COMMD1: variants seen among roughly 807,000 people sequenced by gnomAD.
COMMD1 encodes COMM domain-containing protein 1.
COMMD1 carries 10 observed loss-of-function variants against 17.2 expected under a neutral mutation model. The observed-to-expected ratio is 0.58, with a 90% confidence interval of 0.36 to 0.99. COMMD1 has a LOEUF of 0.99. COMMD1 is among the 50% of genes least tolerant of loss of function. The pLI is 0.01. For synonymous variants in COMMD1, 97 were observed against 91.6 expected (o/e 1.06, Z -0.34); for missense variants, 270 against 231.8 (o/e 1.17, Z -1.07).
chr2:62,035,846 G>T (rs1380932887), intron 2 of COMMD1, among the ~76,000 whole-genome samples: 1 of 151,802 alleles, frequency 6.6e-6, no homozygotes, highest in Non-Finnish European at 1.5e-5. Context: ...AGCCTCAGGG[G>T]TTCAAGACCA....
At chr2:61,927,767 G>T (rs532915850) in intron 1 of COMMD1, among the ~76,000 whole-genome samples, 20 of 151,022 alleles carry the variant, frequency 1.3e-4, no homozygotes, top group Middle Eastern at 7.0e-3. Context: ...CAAAACAGTG[G>T]CCTTCTGAAG....
At chr2:62,021,566 T>A (rs1669615426) in intron 2 of COMMD1, among the ~76,000 whole-genome samples, 1 of 152,238 alleles carries the variant, frequency 6.6e-6, no homozygotes, top group African/African-American at 2.4e-5. Flanking sequence ...TGGCCTGGCC[T>A]CCTCACTTTC....
At chr2:61,952,645 A>G (rs910461588) in intron 1 of COMMD1, among the ~76,000 whole-genome samples, 1 of 152,150 alleles carries the variant, frequency 6.6e-6, no homozygotes, top group South Asian at 2.1e-4. Context: ...AACTCTGCCT[A>G]GCTTCTGAGT....
chr2:61,937,330 C>T (rs1422741018), intron 1 of COMMD1, among the ~76,000 whole-genome samples: 2 of 152,094 alleles, frequency 1.3e-5, no homozygotes, highest in Non-Finnish European at 2.9e-5. Context: ...GTTGTGAGAG[C>T]CTTCGAATTT....
At chr2:62,101,879 C>G (rs1672190416) in intron 2 of COMMD1, among the ~76,000 whole-genome samples, 1 of 152,152 alleles carries the variant, frequency 6.6e-6, no homozygotes, top group South Asian at 2.1e-4. Context: ...TGGTGTCTGT[C>G]TCATGTAGGC....
At chr2:62,018,068 CTT>C (rs888275681) in intron 2 of COMMD1, among the ~76,000 whole-genome samples, 4 of 151,850 alleles carry the variant, frequency 2.6e-5, no homozygotes, top group Non-Finnish European at 5.9e-5. Flanking sequence ...AAAAGTCTGA[CTT>C]TATGTGGAGG....
At chr2:62,057,657 A>G (rs1336293060) in intron 2 of COMMD1, among the ~76,000 whole-genome samples, 9 of 151,540 alleles carry the variant, frequency 5.9e-5, no homozygotes, top group Admixed American at 5.9e-4. Context: ...AGTGGCCTCA[A>G]CTCCTGGGTT....
chr2:62,050,948 A>C (rs1248177548), intron 2 of COMMD1, among the ~76,000 whole-genome samples: 3 of 152,160 alleles, frequency 2.0e-5, no homozygotes, highest in Non-Finnish European at 4.4e-5. Flanking sequence ...TTTGACAAAT[A>C]TGTGGTTAAA....
rs536606970 is a variant in COMMD1 at position 61,998,408 on chromosome 2, C to T, written c.181-2293C>T. ...CTGAGTAGTTGGGATTACAGGCGTG[C>T]GCCACTACGCCCAGCTAATTTTTGT... On this transcript the variant is annotated intron_variant, in intron 1 of 2. Transcript: ENST00000311832. 4.6e-5 allele frequency among the ~76,000 whole-genome samples: 7 copies of T among 152,026 alleles called. No individual in the cohort carries two copies. The East Asian group carries it at 7.7e-4, about 17-fold the overall frequency.
upstream of COMMD1, chr2:61,888,607 A>C: frequency 7.2e-7 from 1 of 1,383,216 alleles, no homozygotes; most frequent in Non-Finnish European, 9.6e-7. Context: ...TGCCTTCACG[A>C]ACCTTCCAGA....
chr2:62,130,355 A>G (rs1233176366), intron 2 of COMMD1, among the ~76,000 whole-genome samples: 3 of 150,936 alleles, frequency 2.0e-5, no homozygotes, highest in Non-Finnish European at 4.4e-5. Context: ...GCTCACTGCA[A>G]CCTCCCTCTC....
At chr2:61,990,910 A>ACC (rs1360599102) in intron 1 of COMMD1, among the ~76,000 whole-genome samples, 9 of 147,994 alleles carry the variant, frequency 6.1e-5, no homozygotes, top group African/African-American at 2.3e-4. Flanking sequence ...ATATACACAC[A>ACC]CACACACACA....
chr2:61,922,081 A>G (rs1024500097), intron 1 of COMMD1, among the ~76,000 whole-genome samples: 1 of 152,214 alleles, frequency 6.6e-6, no homozygotes, highest in African/African-American at 2.4e-5. Context: ...TCAGTTTTAT[A>G]GCCCTTTTAA....
chr2:61,913,755 C>T (rs1461240319), intron 1 of COMMD1, among the ~76,000 whole-genome samples: 2 of 137,260 alleles, frequency 1.5e-5, no homozygotes, highest in Non-Finnish European at 3.0e-5. Flanking sequence ...AAGATTGCAC[C>T]ACTGCACTCC....
chr2:62,042,170 G>A (rs575603279), intron 2 of COMMD1, among the ~76,000 whole-genome samples: 3 of 152,240 alleles, frequency 2.0e-5, no homozygotes, highest in South Asian at 2.1e-4. Flanking sequence ...GACACACAGC[G>A]CTGATTGGTG....
intron 2 of COMMD1, among the ~76,000 whole-genome samples, chr2:62,115,636 T>C (rs1672569396): frequency 6.6e-6 from 1 of 152,182 alleles, no homozygotes; most frequent in Non-Finnish European, 1.5e-5. Flanking sequence ...ATCAATATTA[T>C]ATAACTGTGG....
At chr2:61,911,111 G>GA (rs1669895493) in intron 1 of COMMD1, among the ~76,000 whole-genome samples, 1 of 148,820 alleles carries the variant, frequency 6.7e-6, no homozygotes, top group Non-Finnish European at 1.5e-5. Context: ...TTTTTTTAAT[G>GA]AAAATTCTCC....
chr2:62,107,732 G>A (rs1672355639), intron 2 of COMMD1, among the ~76,000 whole-genome samples: 1 of 152,016 alleles, frequency 6.6e-6, no homozygotes, highest in African/African-American at 2.4e-5. Flanking sequence ...TAGTTAAACC[G>A]GCATTCATTT....
intron 1 of COMMD1, among the ~76,000 whole-genome samples, chr2:61,931,799 A>G (rs994603311): frequency 7.2e-5 from 11 of 152,218 alleles, no homozygotes; most frequent in African/African-American, 2.7e-4. Flanking sequence ...CAGTAAGGAT[A>G]TTGGAGACTT....
Sources: allele counts gnomAD v4.1 joint callset (sites outside exome capture counted in the v4.1 genomes callset), GRCh38; gene constraint gnomAD v4.1.1; transcripts MANE v1.5; gene names NCBI Gene and HGNC (gene_info 2026-07-23, HGNC 2026-07-21).